The following UIMC1 variants were observed in gnomAD, a reference collection of about 807,000 sequenced individuals.
The protein encoded by UIMC1 is ubiquitin interaction motif containing 1.
A neutral mutation model predicts 84.9 loss-of-function variants in UIMC1; 42 were observed. That is an observed-to-expected ratio of 0.49 (90% CI 0.39 to 0.64). The LOEUF (loss-of-function observed/expected upper bound fraction) is 0.64. UIMC1 is among the 30% of genes least tolerant of loss of function. UIMC1 has a pLI of 0.00. For synonymous variants in UIMC1, 281 were observed against 293.0 expected (o/e 0.96, Z 0.42); for missense variants, 825 against 847.6 (o/e 0.97, Z 0.33).
At chr5:176,953,501 C>CACACACACACACACAT (rs1460018257) in intron 8 of UIMC1, among the ~76,000 whole-genome samples, 3 of 150,466 alleles carry the variant, frequency 2.0e-5, no homozygotes, top group African/African-American at 7.4e-5. Flanking sequence ...CACATACACA[C>CACACACACACACACAT]ACACACACAC....
Position 176,956,042 on chromosome 5 carries a change from G to A in UIMC1, c.1263-7C>T. On this transcript the variant is annotated splice_polypyrimidine_tract_variant and splice_region_variant and intron_variant, in intron 7 of 14. Transcript: ENST00000511320. ...ACTGGTCAAAGCAGCAACACTGAAA[G>A]AGAACCAAATCCCAAATGAATTCCC... 4.3e-6 allele frequency: 7 copies of A among 1,612,652 alleles called. No homozygotes were observed. The highest frequency in any genetic ancestry group is 5.1e-6 in the Non-Finnish European group (6 of 1,179,404).
chr5:176,984,790 AC>A (rs1346845816), intron 1 of UIMC1, among the ~76,000 whole-genome samples: 1 of 152,120 alleles, frequency 6.6e-6, no homozygotes, highest in African/African-American at 2.4e-5. Flanking sequence ...CTATAACCTT[AC>A]CCCCAACCCC....
At position 176,956,499 on chromosome 5, in the gene UIMC1, G is replaced by A. The variant is rs1027191384; in HGVS notation, c.1263-464C>T. ...TTAAATCTCCTCTTTATCTCAAGAT[G>A]TTGCTTTCCATGCAACAAAAATAAA... On this transcript the variant is annotated intron_variant, in intron 7 of 14. Transcript: ENST00000511320. Among the ~76,000 whole-genome samples the A allele has an allele frequency of 4.6e-5, 7 of 152,184 alleles. No homozygotes were observed. In the South Asian group the frequency reaches 1.4e-3, roughly 32 times the overall value.
intron 12 of UIMC1, 92 bp from the exon 13 acceptor site, chr5:176,907,269 G>T: frequency 3.9e-6 from 5 of 1,270,376 alleles, no homozygotes; most frequent in Non-Finnish European, 5.6e-6. Flanking sequence ...TCATAGAAGA[G>T]AAAAGGTGTG....
intron 10 of UIMC1, among the ~76,000 whole-genome samples, chr5:176,929,151 A>G (rs557791524): frequency 2.6e-5 from 4 of 152,022 alleles, no homozygotes; most frequent in Admixed American, 2.6e-4. Flanking sequence ...GCTACTCGGG[A>G]GGCTGAGGCA....
At chr5:176,946,415 G>A (rs949632892) in intron 9 of UIMC1, among the ~76,000 whole-genome samples, 3 of 152,128 alleles carry the variant, frequency 2.0e-5, no homozygotes, top group Admixed American at 6.6e-5. Flanking sequence ...AGGAGGCTGA[G>A]GCAGGAGAAT....
intron 10 of UIMC1, among the ~76,000 whole-genome samples, chr5:176,921,738 C>A (rs994451464): frequency 6.6e-6 from 1 of 152,134 alleles, no homozygotes; most frequent in African/African-American, 2.4e-5. Context: ...ATGCAACAGC[C>A]ACTCCCCTCC....
chr5:176,983,649 C>G (rs535110007), intron 1 of UIMC1, among the ~76,000 whole-genome samples: 1 of 152,190 alleles, frequency 6.6e-6, no homozygotes, highest in Non-Finnish European at 1.5e-5. Context: ...TCTGCCCGCC[C>G]GCCACCCCAT....
At chr5:176,959,898 G>A (rs1301823757) in intron 6 of UIMC1, among the ~76,000 whole-genome samples, 1 of 152,082 alleles carries the variant, frequency 6.6e-6, no homozygotes, top group Non-Finnish European at 1.5e-5. Flanking sequence ...GGGCATGGTG[G>A]CTCACGCCTC....
chr5:176,941,369 T>C (rs185638301), intron 10 of UIMC1, among the ~76,000 whole-genome samples: 1 of 152,320 alleles, frequency 6.6e-6, no homozygotes, highest in African/African-American at 2.4e-5. Flanking sequence ...ATATATAGCA[T>C]GGTCCCGTTT....
At chr5:176,929,439 T>C (rs573322446) in intron 10 of UIMC1, among the ~76,000 whole-genome samples, 1,627 of 144,460 alleles carry the variant, frequency 0.011, 10 homozygotes, top group South Asian at 0.027. Flanking sequence ...TGGTGGCGGG[T>C]GCCTGTAGTC....
chr5:176,934,048 G>A (rs925852686), intron 10 of UIMC1, among the ~76,000 whole-genome samples: 3 of 152,160 alleles, frequency 2.0e-5, no homozygotes, highest in African/African-American at 7.2e-5. Flanking sequence ...TTGCTGGACT[G>A]TAAACTCTCT....
intron 10 of UIMC1, among the ~76,000 whole-genome samples, chr5:176,935,994 T>G (rs1291362656): frequency 6.6e-6 from 1 of 152,184 alleles, no homozygotes; most frequent in Non-Finnish European, 1.5e-5. Context: ...TGCCTTCAGC[T>G]TCCCTAACTC....
chr5:176,985,376 A>G (rs904246243), intron 1 of UIMC1, among the ~76,000 whole-genome samples: 2 of 151,762 alleles, frequency 1.3e-5, no homozygotes, highest in African/African-American at 4.9e-5. Context: ...CAATCACTTG[A>G]ACCCGGGAGG....
rs77423158 is a variant in UIMC1, at chr5:176,940,032, A to C, written c.1597+3303T>G. ...GACACAGCAGAACAAGGAGAACGTG[A>C]AATGTCCTCCCTGAATGGATGATGA... On this transcript the variant is annotated intron_variant, in intron 10 of 14. Coordinates refer to ENST00000511320, the MANE Select transcript of UIMC1 (RefSeq NM_001199298.2). 9.4e-3 allele frequency among the ~76,000 whole-genome samples: 1,432 copies of C among 152,316 alleles called. 26 individuals carry two copies. The highest frequency in any genetic ancestry group is 0.033 in the African/African-American group (1,354 of 41,568).
chr5:177,017,252 A>G (rs1775692603), intron 1 of UIMC1, among the ~76,000 whole-genome samples: 1 of 152,082 alleles, frequency 6.6e-6, no homozygotes, highest in Non-Finnish European at 1.5e-5. Flanking sequence ...CACCTCTAAT[A>G]GTTTGAGATG....
At chr5:177,001,969 A>AC (rs1463605655) in intron 1 of UIMC1, 1 of 151,170 alleles carries the variant, frequency 6.6e-6, no homozygotes, top group Non-Finnish European at 1.5e-5. Context: ...AAAAAAAAAA[A>AC]AAAATCAGCC....
chr5:176,956,122 C>A, intron 7 of UIMC1, 87 bp from the exon 8 acceptor site: 2 of 1,207,770 alleles, frequency 1.7e-6, no homozygotes, highest in Non-Finnish European at 2.4e-6. Context: ...CTCACAAAGC[C>A]ACAGGTAATC....
At chr5:177,019,536 G>A (rs189696277) in intron 1 of UIMC1, among the ~76,000 whole-genome samples, 1 of 151,940 alleles carries the variant, frequency 6.6e-6, no homozygotes, top group Non-Finnish European at 1.5e-5. Flanking sequence ...TTGCTACTCA[G>A]GAGGCTGAGG....
Sources: allele counts gnomAD v4.1 joint callset (sites outside exome capture counted in the v4.1 genomes callset), GRCh38; gene constraint gnomAD v4.1.1; transcripts MANE v1.5; gene names NCBI Gene and HGNC (gene_info 2026-07-23, HGNC 2026-07-21).